Variants in CHIC1 observed in about 807,000 individuals in gnomAD.
The protein encoded by CHIC1 is cysteine rich hydrophobic domain 1, also known as cysteine-rich hydrophobic domain-containing protein 1.
Under a neutral mutation model 18.5 loss-of-function variants are expected in CHIC1, and 7 were observed. That is an observed-to-expected ratio of 0.38 (90% CI 0.22 to 0.71). CHIC1 has a LOEUF of 0.71. Ranked by LOEUF, CHIC1 falls within the 30% of genes least tolerant of loss-of-function variation. The pLI is 0.49. For synonymous variants in CHIC1, 77 were observed against 73.5 expected, an observed-to-expected ratio of 1.05 and a Z score of -0.25; for missense variants, 159 against 176.9, an observed-to-expected ratio of 0.90 and a Z score of 0.57.
At chrX:73,579,178 C>A (rs1356158260) in intron 2 of CHIC1, among the ~76,000 whole-genome samples, 1 of 110,294 alleles carries the variant, frequency 9.1e-6, no homozygotes, top group African/African-American at 3.3e-5. Context: ...GTTAAACAAG[C>A]TTTGCAGTCA....
chrX:73,673,747 T>A (rs898328033), intron 3 of CHIC1, among the ~76,000 whole-genome samples: 17 of 111,749 alleles, frequency 1.5e-4, no homozygotes, highest in African/African-American at 5.5e-4. Context: ...TATTTCCTTC[T>A]CCTGACTAAT....
At position 73,682,456 on chromosome X, in the gene CHIC1, G is replaced by T. The variant is rs922539427; in HGVS notation, c.*1451G>T. The T allele has an allele frequency of 9.0e-6, 1 of 111,109 alleles. No homozygotes were observed. The highest frequency in any genetic ancestry group is 1.9e-5 in the Non-Finnish European group (1 of 52,694). 9.2% of individuals were successfully genotyped at this position (111,109 alleles called of 1,213,427 possible). On this transcript the variant is annotated 3_prime_UTR_variant, in exon 6 of 6. Coordinates refer to ENST00000373502, the MANE Select transcript of CHIC1 (RefSeq NM_001039840.4). Reference sequence around the variant, plus strand: ...AGTGTCTAGGGCTCAGTAATATTTTGTCATCTTACTCTTACTGCTTTTAGT... The same window carrying T: ...AGTGTCTAGGGCTCAGTAATATTTTTTCATCTTACTCTTACTGCTTTTAGT...
At chrX:73,663,408 T>G (rs1341886205) in intron 3 of CHIC1, among the ~76,000 whole-genome samples, 1 of 110,346 alleles carries the variant, frequency 9.1e-6, no homozygotes, top group East Asian at 2.9e-4. Context: ...TAGAAAGGGG[T>G]CTGCAGAGTG....
chrX:73,679,002 C>A (rs957989975), intron 3 of CHIC1, among the ~76,000 whole-genome samples: 2 of 111,994 alleles, frequency 1.8e-5, no homozygotes, highest in African/African-American at 6.5e-5. Flanking sequence ...CTACTAAAAT[C>A]TCAACTTAGT....
intron 3 of CHIC1, among the ~76,000 whole-genome samples, chrX:73,644,365 C>G (rs1207030080): frequency 8.9e-6 from 1 of 112,365 alleles, no homozygotes; most frequent in Non-Finnish European, 1.9e-5. Flanking sequence ...TGCCCGTTCT[C>G]AGATCTCCAG....
chrX:73,678,036 T>C (rs1365989453), intron 3 of CHIC1, among the ~76,000 whole-genome samples: 1 of 108,872 alleles, frequency 9.2e-6, no homozygotes, highest in African/African-American at 3.4e-5. Flanking sequence ...ACATCTGCTA[T>C]AATTGCCACT....
chrX:73,621,847 CTTG>C (rs2057762013), intron 3 of CHIC1, among the ~76,000 whole-genome samples: 1 of 111,646 alleles, frequency 9.0e-6, no homozygotes, highest in Admixed American at 9.5e-5. Flanking sequence ...ATGAATAGCT[CTTG>C]TTATTTTGAG....
chrX:73,571,248 A>T (rs185596174), intron 1 of CHIC1, among the ~76,000 whole-genome samples: 3 of 110,874 alleles, frequency 2.7e-5, no homozygotes, highest in African/African-American at 9.8e-5. Flanking sequence ...AGGTAGGAAC[A>T]TGTTACTGTT....
intron 3 of CHIC1, among the ~76,000 whole-genome samples, chrX:73,629,267 T>A (rs1259044202): frequency 9.0e-6 from 1 of 111,620 alleles, no homozygotes; most frequent in Non-Finnish European, 1.9e-5. Flanking sequence ...ATTGCCTTTT[T>A]ATTTTGTTGA....
At chrX:73,673,338 C>T (rs2058042318) in intron 3 of CHIC1, among the ~76,000 whole-genome samples, 1 of 111,586 alleles carries the variant, frequency 9.0e-6, no homozygotes, top group Non-Finnish European at 1.9e-5. Flanking sequence ...TTACCTTGGG[C>T]AGTATGGCCA....
intron 1 of CHIC1, among the ~76,000 whole-genome samples, chrX:73,574,680 C>T (rs1429866926): frequency 9.1e-6 from 1 of 109,994 alleles, no homozygotes; most frequent in African/African-American, 3.3e-5. Context: ...CAGAATTTTA[C>T]CCATTTCCTC....
At chrX:73,659,799 G>A (rs1278850412) in intron 3 of CHIC1, among the ~76,000 whole-genome samples, 1 of 111,696 alleles carries the variant, frequency 9.0e-6, no homozygotes, top group Non-Finnish European at 1.9e-5. Flanking sequence ...CAGGTGTTAA[G>A]GGAGGTGCTA....
chrX:73,586,006 A>G (rs1174366556), intron 3 of CHIC1, among the ~76,000 whole-genome samples: 1 of 111,584 alleles, frequency 9.0e-6, no homozygotes, highest in Non-Finnish European at 1.9e-5. Flanking sequence ...TTTATTTAAT[A>G]TAGATTTGCA....
In CHIC1 at chrX:73,663,376, G is replaced by A. The variant is rs779401052; in HGVS notation, c.508-15950G>A. 4.5e-5 allele frequency among the ~76,000 whole-genome samples: 5 copies of A among 111,258 alleles called. No homozygotes were observed. The East Asian group carries it at 1.4e-3, about 32-fold the overall frequency. On this transcript the variant is annotated intron_variant, in intron 3 of 5. Coordinates refer to ENST00000373502, the MANE Select transcript of CHIC1 (RefSeq NM_001039840.4). ...GAGAGCCATGTCAGGGGTAGGGGAA[G>A]GATAATAACAGTGCCCTTTATTAGA...
chrX:73,615,362 T>A (rs1275270819), intron 3 of CHIC1, among the ~76,000 whole-genome samples: 1 of 111,487 alleles, frequency 9.0e-6, no homozygotes, highest in African/African-American at 3.3e-5. Flanking sequence ...GTTACAGTGG[T>A]GGGCCGGTTG....
chrX:73,566,357 T>C (rs888626360), intron 1 of CHIC1, among the ~76,000 whole-genome samples: 6 of 109,952 alleles, frequency 5.5e-5, no homozygotes, highest in Non-Finnish European at 9.5e-5. Flanking sequence ...TAATTAGCTC[T>C]GAGTTTCTGT....
rs189240984 is a variant in CHIC1 at position 73,574,138 on chromosome X, G to A, written c.297-3269G>A. Among the ~76,000 whole-genome samples the A allele has an allele frequency of 8.9e-3, 985 of 110,471 alleles. 4 individuals are homozygous for A. The highest frequency in any genetic ancestry group is 0.012 in the Non-Finnish European group (651 of 52,359). The stretch of plus-strand genomic sequence containing the variant: ...GTTTGTTGACGGTTTTATCATGAAG[G>A]GACATTGAATTTTATCGAAAGCTTT... On this transcript the variant is annotated intron_variant, in intron 1 of 5. Transcript: ENST00000373502.
chrX:73,606,902 A>G (rs1462373893), intron 3 of CHIC1, among the ~76,000 whole-genome samples: 2 of 108,653 alleles, frequency 1.8e-5, no homozygotes, highest in African/African-American at 7.1e-5. Context: ...GCTCCCCTCT[A>G]TGAGGTATCT....
intron 3 of CHIC1, among the ~76,000 whole-genome samples, chrX:73,665,025 A>G (rs890931319): frequency 8.9e-6 from 1 of 112,347 alleles, no homozygotes. Context: ...ACGTTAAAAG[A>G]AATGGGTTCA....
Sources: gnomAD v4.1 joint callset for allele counts (sites outside exome capture counted in the v4.1 genomes callset) on GRCh38, gnomAD v4.1.1 for gene constraint, MANE v1.5 for transcripts, NCBI Gene and HGNC (gene_info 2026-07-23, HGNC 2026-07-21) for gene names.